The following STOX1 variants were observed in gnomAD, a reference collection of about 807,000 sequenced individuals.
STOX1 encodes the protein storkhead box 1.
A neutral mutation model predicts 74.8 loss-of-function variants in STOX1; 57 were observed. The observed-to-expected ratio is 0.76, with a 90% CI of 0.62 to 0.95. STOX1 has a LOEUF of 0.95. Ranked by LOEUF, STOX1 falls within the 40% of genes least tolerant of loss-of-function variation. The probability of loss-of-function intolerance (pLI) is 0.00; values close to 1 mark genes in which losing one functional copy is unlikely to be tolerated. For missense variants in STOX1, 1,010 were observed against 1,117.0 expected (o/e 0.90, Z 1.37); for synonymous variants, 375 against 401.3 (o/e 0.93, Z 0.78).
At chr10:68,888,357 C>T (rs1298206240) in intron 3 of STOX1, among the ~76,000 whole-genome samples, 1 of 152,166 alleles carries the variant, frequency 6.6e-6, no homozygotes, top group Non-Finnish European at 1.5e-5. Flanking sequence ...CCGCCTCGGC[C>T]TCCCAAAGTG....
At chr10:68,832,674 A>AG (rs1554826589) in intron 1 of STOX1, among the ~76,000 whole-genome samples, 7 of 149,258 alleles carry the variant, frequency 4.7e-5, no homozygotes, top group South Asian at 2.1e-4. Flanking sequence ...AAAAAAAAAA[A>AG]AAAGAAAGCA....
intron 1 of STOX1, chr10:68,828,184 G>GC: frequency 4.9e-6 from 4 of 815,148 alleles, no homozygotes; most frequent in East Asian, 6.2e-5. Context: ...TGGTGCGCGC[G>GC]CCCCCCGCCT....
chr10:68,890,639 A>G (rs539626153), intron 3 of STOX1, among the ~76,000 whole-genome samples: 5 of 149,440 alleles, frequency 3.3e-5, no homozygotes, highest in Admixed American at 2.7e-4. Context: ...TTGGGGGTGC[A>G]AGACCTTTTC....
chr10:68,853,677 T>G (rs1840046080), intron 1 of STOX1, among the ~76,000 whole-genome samples: 1 of 151,718 alleles, frequency 6.6e-6, no homozygotes, highest in Admixed American at 6.6e-5. Flanking sequence ...CTTTCATTTT[T>G]TTTTTGTTTT....
At chr10:68,886,922 A>T (rs1249347823) in intron 3 of STOX1, among the ~76,000 whole-genome samples, 2 of 152,038 alleles carry the variant, frequency 1.3e-5, no homozygotes, top group Non-Finnish European at 2.9e-5. Context: ...CTGCCTCAAA[A>T]AAAAAAAGAA....
At chr10:68,862,767 TCTC>T (rs1177003679) in intron 1 of STOX1, among the ~76,000 whole-genome samples, 4 of 152,088 alleles carry the variant, frequency 2.6e-5, no homozygotes, top group African/African-American at 9.7e-5. Flanking sequence ...ATGCTAAACA[TCTC>T]CTTAGGGGAC....
At chr10:68,847,621 G>C (rs989133610) in intron 1 of STOX1, among the ~76,000 whole-genome samples, 2 of 151,936 alleles carry the variant, frequency 1.3e-5, no homozygotes, top group African/African-American at 4.8e-5. Context: ...TGTTGGCTGG[G>C]CTCATCTCGA....
intron 1 of STOX1, among the ~76,000 whole-genome samples, chr10:68,859,513 A>G (rs1840208571): frequency 6.6e-6 from 1 of 152,046 alleles, no homozygotes; most frequent in Non-Finnish European, 1.5e-5. Flanking sequence ...TTCTGTAAAT[A>G]TCTATCGTGT....
intron 3 of STOX1, among the ~76,000 whole-genome samples, chr10:68,889,261 C>T (rs1012871985): frequency 1.3e-5 from 2 of 152,022 alleles, no homozygotes; most frequent in African/African-American, 4.8e-5. Context: ...CATGACCCAC[C>T]GCACTGGCCA....
At chr10:68,848,554 A>C (rs1839907779) in intron 1 of STOX1, among the ~76,000 whole-genome samples, 1 of 152,220 alleles carries the variant, frequency 6.6e-6, no homozygotes, top group Non-Finnish European at 1.5e-5. Flanking sequence ...AACAGATGAT[A>C]ATACTACCAA....
intron 2 of STOX1, among the ~76,000 whole-genome samples, chr10:68,882,755 C>T (rs530785124): frequency 1.3e-5 from 2 of 152,278 alleles, no homozygotes; most frequent in East Asian, 3.9e-4. Flanking sequence ...CCTTGGCCCC[C>T]CGAAGTGTTG....
At chr10:68,888,329 T>A (rs893566341) in intron 3 of STOX1, among the ~76,000 whole-genome samples, 3 of 152,192 alleles carry the variant, frequency 2.0e-5, no homozygotes, top group African/African-American at 7.2e-5. Context: ...CTCGAACTCC[T>A]GACCTCAGGT....
chr10:68,874,440 C>A (rs1009847645), intron 1 of STOX1, among the ~76,000 whole-genome samples: 6 of 152,114 alleles, frequency 3.9e-5, no homozygotes, highest in African/African-American at 1.4e-4. Context: ...AATAGAAAAT[C>A]TTTAAATGTA....
chr10:68,887,633 G>A (rs936590126), intron 3 of STOX1, among the ~76,000 whole-genome samples: 19 of 128,450 alleles, frequency 1.5e-4, no homozygotes, highest in South Asian at 4.8e-4. Flanking sequence ...TTTTGCTGTC[G>A]TCCAGGCTGG....
At chr10:68,829,093 C>T (rs908312716) in intron 1 of STOX1, 5 of 655,116 alleles carry the variant, frequency 7.6e-6, no homozygotes, top group Non-Finnish European at 9.5e-6. Context: ...AGTTGTTCCG[C>T]GCTTAATTTT....
chr10:68,874,665 A>AC (rs1327455009), intron 1 of STOX1, among the ~76,000 whole-genome samples: 2 of 10,072 alleles, frequency 2.0e-4, no homozygotes, highest in Admixed American at 8.4e-4. Flanking sequence ...CGTCTCAAAA[A>AC]AAAAAAAAAA....
intron 1 of STOX1, among the ~76,000 whole-genome samples, chr10:68,855,143 G>A (rs1269622393): frequency 6.9e-6 from 1 of 144,164 alleles, no homozygotes; most frequent in Non-Finnish European, 1.5e-5. Flanking sequence ...TTTTTTTTGA[G>A]ATAGTCTTGC....
In STOX1 at chr10:68,884,351, C is replaced by G. The variant is rs368789021; in HGVS notation, c.555C>G (p.Phe185Leu). The G allele has an allele frequency of 6.2e-7, 1 of 1,613,960 alleles. No homozygotes were observed. Among genetic ancestry groups the G allele is most frequent in the African/African-American group, 1.3e-5 (1 of 74,926 alleles). Residue 185 changes from phenylalanine to leucine, a missense_variant, in exon 3 of 4, where the codon TTC becomes TTG. Physicochemically the swap from Phe to Leu is conservative, Grantham distance 22. Transcript: ENST00000298596. The stretch of plus-strand genomic sequence containing the variant: ...TTTATCACACTGGAGAAGGATACTT[C>G]ATAGTTACTCCTCAGACTTACTTCA... ...RKIYHTGEGY[F>L]IVTPQTYFIT... is the part of the protein sequence containing the mutation.
chr10:68,827,684 G>T lies in STOX1; in HGVS notation c.61G>T (p.Ala21Ser), dbSNP rs917051467. The change falls in exon 1 of 4, where the codon GCG (alanine) becomes TCG (serine). Residue 21 changes from alanine (A) to serine (S), a missense_variant. Physicochemically the swap from Ala to Ser is moderately conservative, Grantham distance 99 (BLOSUM62 1). Coordinates refer to ENST00000298596, the MANE Select transcript of STOX1 (RefSeq NM_152709.5). ...GGCGCTAGTGCTGTGCCGGCTGGAG[G>T]CGCAGAAGGCGGCGGGGGCCGCGGA... ...SLALVLCRLE[A>S]QKAAGAAEEP... 44 of 1,029,416 alleles carry T rather than the reference G, an allele frequency of 4.3e-5. No individual in the cohort carries two copies. The highest frequency in any genetic ancestry group is 5.0e-5 in the Non-Finnish European group (42 of 833,554). 63.8% of individuals were successfully genotyped at this position (1,029,416 alleles called of 1,614,324 possible). A position where few individuals can be genotyped will look rare whatever the true frequency, so the allele number is the denominator to read the frequency against.
Sources: allele counts gnomAD v4.1 joint callset (sites outside exome capture counted in the v4.1 genomes callset), GRCh38; gene constraint gnomAD v4.1.1; transcripts MANE v1.5; gene names NCBI Gene and HGNC (gene_info 2026-07-23, HGNC 2026-07-21).